The following GTF2B variants were observed in gnomAD, a reference collection of about 807,000 sequenced individuals.
The protein encoded by GTF2B is transcription initiation factor IIB.
GTF2B carries 20 observed loss-of-function variants against 34.6 expected under a neutral mutation model. The observed-to-expected ratio is 0.58, with a 90% CI of 0.41 to 0.84. The LOEUF is 0.84. GTF2B is among the 40% of genes least tolerant of loss of function. GTF2B has a pLI of 0.00. For missense variants in GTF2B, 237 were observed against 393.3 expected, an observed-to-expected ratio of 0.60 and a Z score of 3.36; for synonymous variants, 142 against 132.4, an observed-to-expected ratio of 1.07 and a Z score of -0.50.
chr1:88,872,923 A>C (rs555278295), intron 2 of GTF2B, among the ~76,000 whole-genome samples: 38 of 152,288 alleles, frequency 2.5e-4, no homozygotes, highest in African/African-American at 8.9e-4. Flanking sequence ...ACTTTCTCTG[A>C]GTAATTAAAC....
rs184831343 is a variant in GTF2B, at chr1:88,891,275, C to A, written c.17+208G>T. Among the ~76,000 whole-genome samples, 63 of 152,294 alleles carry A rather than the reference C, an allele frequency of 4.1e-4. 1 individual carries two copies. The East Asian group carries it at 7.7e-3, about 19-fold the overall frequency. ...GTGATATCTACATAAGACTCCAGGG[C>A]AATAACGTCAACAGCTCGGTAACCC... On this transcript the variant is annotated intron_variant, in intron 1 of 6. Coordinates refer to ENST00000370500, the MANE Select transcript of GTF2B (RefSeq NM_001514.6).
intron 2 of GTF2B, 72 bp from the exon 3 acceptor site, chr1:88,864,186 A>C (rs980111694): frequency 7.2e-6 from 10 of 1,380,120 alleles, no homozygotes; most frequent in Non-Finnish European, 1.0e-5. Flanking sequence ...TCCAATGCCC[A>C]ACTAAGCCAT....
chr1:88,856,932 G>A (rs941314317), intron 6 of GTF2B, among the ~76,000 whole-genome samples: 1 of 151,512 alleles, frequency 6.6e-6, no homozygotes, highest in Non-Finnish European at 1.5e-5. Context: ...CTCCTGAATA[G>A]CTGGGATTAC....
chr1:88,856,804 G>GAT (rs1553162057), intron 6 of GTF2B, among the ~76,000 whole-genome samples: 1 of 137,774 alleles, frequency 7.3e-6, no homozygotes, highest in African/African-American at 2.7e-5. Flanking sequence ...TTAAACGTGG[G>GAT]TTTTTTTTTT....
intron 2 of GTF2B, among the ~76,000 whole-genome samples, chr1:88,877,959 CA>C (rs1673851523): frequency 6.6e-6 from 1 of 151,916 alleles, no homozygotes; most frequent in Non-Finnish European, 1.5e-5. Context: ...CAAGCAAAGA[CA>C]ACTAACAGTT....
intron 2 of GTF2B, among the ~76,000 whole-genome samples, chr1:88,870,148 G>A (rs1050942636): frequency 6.6e-6 from 1 of 151,860 alleles, no homozygotes; most frequent in East Asian, 1.9e-4. Context: ...GGATGGTCTC[G>A]ATCTCCTGAC....
At position 88,857,585 on chromosome 1, in the gene GTF2B, T is replaced by C. The variant is rs1401951161; in HGVS notation, c.536-98A>G. The stretch of plus-strand genomic sequence containing the variant: ...TTATAAACATAATATACATTCTAAT[T>C]GTAAAACATTCAATCATACCTTAAA... On this transcript the variant is annotated intron_variant, in intron 5 of 6. Coordinates refer to ENST00000370500, the MANE Select transcript of GTF2B (RefSeq NM_001514.6). 7 of 643,990 alleles carry C rather than the reference T, an allele frequency of 1.1e-5. No individual in the cohort carries two copies. In the East Asian group the frequency reaches 1.9e-4, roughly 18 times the overall value. 39.9% of individuals were successfully genotyped at this position (643,990 alleles called of 1,614,324 possible).
At chr1:88,870,218 G>C (rs1180061179) in intron 2 of GTF2B, among the ~76,000 whole-genome samples, 1 of 152,142 alleles carries the variant, frequency 6.6e-6, no homozygotes, top group East Asian at 1.9e-4. Flanking sequence ...GAGCCACCGC[G>C]CCAGGCTGCC....
chr1:88,878,076 A>T (rs1673854270), intron 2 of GTF2B, among the ~76,000 whole-genome samples: 1 of 152,170 alleles, frequency 6.6e-6, no homozygotes, highest in Non-Finnish European at 1.5e-5. Context: ...CAAGACCAGC[A>T]TGGGCAACAC....
intron 1 of GTF2B, among the ~76,000 whole-genome samples, chr1:88,889,757 G>A (rs557617002): frequency 1.1e-4 from 17 of 152,322 alleles, no homozygotes; most frequent in African/African-American, 4.1e-4. Flanking sequence ...AGTGGCTCAT[G>A]CCTGTTACCA....
chr1:88,871,425 T>C (rs1673691630), intron 2 of GTF2B, among the ~76,000 whole-genome samples: 1 of 152,178 alleles, frequency 6.6e-6, no homozygotes. Context: ...AGGATCTTTA[T>C]CACCTGAGAT....
At chr1:88,856,482 C>T (rs1169891446) in intron 6 of GTF2B, among the ~76,000 whole-genome samples, 2 of 151,890 alleles carry the variant, frequency 1.3e-5, no homozygotes, top group African/African-American at 2.4e-5. Flanking sequence ...AGGCTGATGG[C>T]CAACACGTAT....
chr1:88,888,058 A>G (rs1300772034), intron 1 of GTF2B: 1 of 152,252 alleles, frequency 6.6e-6, no homozygotes, highest in African/African-American at 2.4e-5. Flanking sequence ...ATGATCTGAC[A>G]GAATCAGCTG....
chr1:88,866,901 T>C (rs1378297549), intron 2 of GTF2B, among the ~76,000 whole-genome samples: 1 of 152,176 alleles, frequency 6.6e-6, no homozygotes, highest in African/African-American at 2.4e-5. Context: ...ACATCACACA[T>C]TGAGCAGGTG....
chr1:88,865,084 A>C (rs1673518861), intron 2 of GTF2B, among the ~76,000 whole-genome samples: 1 of 152,192 alleles, frequency 6.6e-6, no homozygotes, highest in East Asian at 1.9e-4. Flanking sequence ...GAAAGAAACA[A>C]ACGGCAGAAA....
At chr1:88,856,151 T>C (rs1261487852) in intron 6 of GTF2B, among the ~76,000 whole-genome samples, 1 of 151,552 alleles carries the variant, frequency 6.6e-6, no homozygotes, top group African/African-American at 2.4e-5. Context: ...GTGGCTGTAG[T>C]CCCAGTTACT....
At chr1:88,874,497 ATTTTTTTTTTTTT>A (rs56331310) in intron 2 of GTF2B, among the ~76,000 whole-genome samples, 2 of 83,576 alleles carry the variant, frequency 2.4e-5, no homozygotes, top group African/African-American at 4.5e-5. Flanking sequence ...AGCTAATTAA[ATTTTTTTTTTTTT>A]TTTTTTTTTT....
intron 3 of GTF2B, among the ~76,000 whole-genome samples, chr1:88,861,460 T>C (rs1570720348): frequency 6.6e-6 from 1 of 151,878 alleles, no homozygotes; most frequent in Non-Finnish European, 1.5e-5. Flanking sequence ...AGGTCGGGAG[T>C]GTGAGACCAG....
At position 88,853,284 on chromosome 1, in the gene GTF2B, G is replaced by A. The variant is rs766376225; in HGVS notation, c.880C>T (p.Pro294Ser). Residue 294 changes from proline to serine, a missense_variant, in exon 7 of 7, where the codon CCT (proline) becomes TCT (serine). Physicochemically the swap from Pro to Ser is moderately conservative, Grantham distance 74 (BLOSUM62 -1). This residue lies in a region of GTF2B where 78 missense variants were observed against 116.6 expected (regional missense o/e 0.67). Coordinates refer to ENST00000370500, the MANE Select transcript of GTF2B (RefSeq NM_001514.6). The part of the protein sequence containing the change: ...TIRQSYRLIY[P>S]RAPDLFPTDF... ...GTAGGAAACAGATCTGGGGCTCGAG[G>A]ATAGATCAGTCTATAGGACTGTCTG... 17 of 1,609,488 alleles carry A rather than the reference G, an allele frequency of 1.1e-5. No individual in the cohort carries two copies. The highest frequency in any genetic ancestry group is 1.4e-5 in the Non-Finnish European group (17 of 1,175,986).
Sources: allele counts gnomAD v4.1 joint callset (sites outside exome capture counted in the v4.1 genomes callset), GRCh38; gene constraint gnomAD v4.1.1; regional missense constraint gnomAD v4.1.1; transcripts MANE v1.5; gene names NCBI Gene and HGNC (gene_info 2026-07-23, HGNC 2026-07-21).